LYRM7: variants seen among roughly 807,000 people sequenced by gnomAD.
LYRM7 encodes the protein complex III assembly factor LYRM7.
In LYRM7, 9 loss-of-function variants were observed where a neutral mutation model predicts 15.8. The ratio of observed to expected loss-of-function variants is 0.57; its 90% CI spans 0.34 to 0.99. The LOEUF is 0.99. LYRM7 is among the 50% of genes least tolerant of loss of function. The pLI, the probability that LYRM7 is intolerant of heterozygous loss-of-function variation, is 0.02. For missense variants in LYRM7, 115 were observed against 119.1 expected (o/e 0.97, Z 0.16); for synonymous variants, 39 against 39.4 (o/e 0.99, Z 0.04).
Position 131,201,386 on chromosome 5 carries a change from T to C in LYRM7, c.*1785T>C, listed in dbSNP as rs1334109330. 2 of 151,122 alleles carry C rather than the reference T, an allele frequency of 1.3e-5. No homozygotes were observed. Among genetic ancestry groups the C allele is most frequent in the Non-Finnish European group, 3.0e-5 (2 of 67,700 alleles). 9.4% of individuals were successfully genotyped at this position (151,122 alleles called of 1,614,324 possible). The stretch of plus-strand genomic sequence containing the variant: ...TTGATACAGATAGGTAGATATGATA[T>C]TGTACTTTCATGCCATAAGACTACA... On this transcript the variant is annotated 3_prime_UTR_variant, in exon 5 of 5. Coordinates refer to ENST00000379380, the MANE Select transcript of LYRM7 (RefSeq NM_181705.4).
At chr5:131,188,861 T>C (rs1350092600) in intron 4 of LYRM7, among the ~76,000 whole-genome samples, 2 of 152,112 alleles carry the variant, frequency 1.3e-5, no homozygotes, top group African/African-American at 2.4e-5. Context: ...AAAGCTTTAT[T>C]GTAGGCTGGG....
At chr5:131,192,030 C>CAG (rs1215270475) in intron 4 of LYRM7, among the ~76,000 whole-genome samples, 5 of 96,012 alleles carry the variant, frequency 5.2e-5, no homozygotes, top group Non-Finnish European at 9.6e-5. Context: ...AAATGTGGTG[C>CAG]ATACACACAC....
At chr5:131,195,632 G>C (rs953236962) in intron 4 of LYRM7, among the ~76,000 whole-genome samples, 1 of 152,190 alleles carries the variant, frequency 6.6e-6, no homozygotes, top group African/African-American at 2.4e-5. Context: ...CTAAGGTAAG[G>C]GTTAAGGAGA....
intron 2 of LYRM7, 68 bp downstream of exon 2, chr5:131,180,235 C>A (rs889923828): frequency 1.9e-5 from 22 of 1,129,042 alleles, no homozygotes; most frequent in South Asian, 2.6e-5. Context: ...CTCTGAGAAA[C>A]CCTGTGTGGT....
At chr5:131,188,838 G>A (rs1755837754) in intron 4 of LYRM7, among the ~76,000 whole-genome samples, 1 of 152,064 alleles carries the variant, frequency 6.6e-6, no homozygotes. Context: ...AGATTCTCCT[G>A]TGCTTTCTTC....
rs1208669077 is a variant in LYRM7, at chr5:131,181,316, T to TATATATATATATATATATACAC, written c.92-912_92-911insTATATATATATATATATACACA. ...AAAAAAAAAAAAATATATATATATA[T>TATATATATATATATATATACAC]ACACACACACACACATATATATAAC... is the stretch of plus-strand genomic sequence containing the variant. On this transcript the variant is annotated intron_variant, in intron 2 of 4. Transcript: ENST00000379380. 1.4e-3 allele frequency among the ~76,000 whole-genome samples: 39 copies of TATATATATATATATATATACAC among 27,616 alleles called. 1 individual carries two copies. The highest frequency in any genetic ancestry group is 3.3e-3 in the South Asian group (2 of 602). The allele number at this position is 27,616 out of a possible 152,430, so 18.1% of individuals were successfully genotyped here.
intron 3 of LYRM7, among the ~76,000 whole-genome samples, chr5:131,182,808 C>G (rs900884905): frequency 6.6e-6 from 1 of 152,122 alleles, no homozygotes; most frequent in Non-Finnish European, 1.5e-5. Context: ...TCTCAGCTCC[C>G]TAATACTCCT....
chr5:131,181,038 C>A (rs1755682645), intron 2 of LYRM7, among the ~76,000 whole-genome samples: 1 of 151,218 alleles, frequency 6.6e-6, no homozygotes, highest in Non-Finnish European at 1.5e-5. Flanking sequence ...CTCCTGTAAT[C>A]CCAGCACTTT....
At chr5:131,192,032 TACACACACAC>T (rs60867142) in intron 4 of LYRM7, among the ~76,000 whole-genome samples, 1,555 of 127,746 alleles carry the variant, frequency 0.012, 35 homozygotes, top group African/African-American at 0.037. Context: ...ATGTGGTGCA[TACACACACAC>T]ACACACACAC....
At chr5:131,180,198 G>T (rs548799479) in intron 2 of LYRM7, 31 bp downstream of exon 2, 1 of 1,519,450 alleles carries the variant, frequency 6.6e-7, no homozygotes, top group South Asian at 1.1e-5. Flanking sequence ...TTTGGAGCCA[G>T]TCTACTTTTT....
intron 4 of LYRM7, among the ~76,000 whole-genome samples, chr5:131,191,018 A>G (rs1473268602): frequency 1.3e-5 from 2 of 152,048 alleles, no homozygotes; most frequent in African/African-American, 4.8e-5. Flanking sequence ...TTTAGATATA[A>G]CACTATTGAA....
chr5:131,201,313 CA>C lies in LYRM7; in HGVS notation c.*1724del, dbSNP rs528765971. The C allele has an allele frequency of 2.0e-3, 111 of 55,314 alleles. No homozygotes were observed. The highest frequency in any genetic ancestry group is 2.1e-3 in the Non-Finnish European group (56 of 26,362). 3.4% of individuals were successfully genotyped at this position (55,314 alleles called of 1,614,324 possible). On this transcript the variant is annotated 3_prime_UTR_variant, in exon 5 of 5. Transcript: ENST00000379380. ...TGGGGGACAGAGTGAGACTCTGTCT[CA>C]AAAAAAAAAAAGAAAAAAAAAGGAA...
At chr5:131,190,135 CAAAAAAAAAAAAAAG>C (rs769087879) in intron 4 of LYRM7, among the ~76,000 whole-genome samples, 2 of 82,164 alleles carry the variant, frequency 2.4e-5, no homozygotes, top group African/African-American at 9.0e-5. Flanking sequence ...CCCTGTCTCA[CAAAAAAAAAAAAAAG>C]AAAAGAAAAA....
At chr5:131,178,593 TTC>T (rs148183478) in intron 1 of LYRM7, among the ~76,000 whole-genome samples, 9 of 152,316 alleles carry the variant, frequency 5.9e-5, no homozygotes, top group African/African-American at 2.2e-4. Flanking sequence ...CCAGGCTCTT[TTC>T]TCTCTTTTTA....
rs1159671596 is a variant in LYRM7, at chr5:131,187,045, T to C, written c.180T>C (p.Ser60=). The change falls in exon 4 of 5, where the codon TCT becomes TCC. Residue 60 remains serine, a synonymous_variant. Coordinates refer to ENST00000379380, the MANE Select transcript of LYRM7 (RefSeq NM_181705.4). ...CTTAACAGCTAATGAAAATAGGTTC[T>C]GATGTTGAATTATTACTCAGAACAT... ...KKIEELMKIG[S]DVELLLRTSV... is the part of the protein sequence containing the mutation. 4 of 1,552,944 alleles carry C rather than the reference T, an allele frequency of 2.6e-6. No homozygotes were observed. The Admixed American group carries it at 5.6e-5, about 22-fold the overall frequency.
At position 131,201,387 on chromosome 5, in the gene LYRM7, T is replaced by C. The variant is rs1756062985; in HGVS notation, c.*1786T>C. On this transcript the variant is annotated 3_prime_UTR_variant, in exon 5 of 5. Transcript: ENST00000379380. ...TGATACAGATAGGTAGATATGATAT[T>C]GTACTTTCATGCCATAAGACTACAC... The C allele has an allele frequency of 6.6e-6, 1 of 151,634 alleles. No homozygotes were observed. Among genetic ancestry groups the C allele is most frequent in the Non-Finnish European group, 1.5e-5 (1 of 67,866 alleles). 9.4% of individuals were successfully genotyped at this position (151,634 alleles called of 1,614,324 possible). A position where few individuals can be genotyped will look rare whatever the true frequency, so the allele number is the denominator to read the frequency against.
intron 4 of LYRM7, among the ~76,000 whole-genome samples, chr5:131,194,447 A>G (rs1580700067): frequency 6.6e-6 from 1 of 152,200 alleles, no homozygotes; most frequent in Non-Finnish European, 1.5e-5. Context: ...AAGACTTCCA[A>G]TCTGCCTGAA....
At position 131,186,890 on chromosome 5, in the gene LYRM7, G is replaced by A. The variant is rs114842039; in HGVS notation, c.163-138G>A. ...ATATTTTCAGACCACAGTTGACCAC[G>A]GATAACTGAAACTGCAGATAAGGAG... On this transcript the variant is annotated intron_variant, in intron 3 of 4. Transcript: ENST00000379380. The A allele has an allele frequency of 2.8e-3, 1,646 of 582,800 alleles. 17 individuals are homozygous for A. Among genetic ancestry groups the A allele is most frequent in the African/African-American group, 0.022 (1,119 of 51,682 alleles). The allele number at this position is 582,800 out of a possible 1,614,324, so 36.1% of individuals were successfully genotyped here. A position where few individuals can be genotyped will look rare whatever the true frequency, so the allele number is the denominator to read the frequency against.
At chr5:131,195,031 A>G (rs1755941631) in intron 4 of LYRM7, among the ~76,000 whole-genome samples, 1 of 152,192 alleles carries the variant, frequency 6.6e-6, no homozygotes, top group African/African-American at 2.4e-5. Context: ...TGGGAGGCTG[A>G]GGTGGGCAGA....
Sources: gnomAD v4.1 joint callset for allele counts (sites outside exome capture counted in the v4.1 genomes callset) on GRCh38, gnomAD v4.1.1 for gene constraint, MANE v1.5 for transcripts, NCBI Gene and HGNC (gene_info 2026-07-23, HGNC 2026-07-21) for gene names.